The following EDAR variants were observed in gnomAD, a reference collection of about 807,000 sequenced individuals.
EDAR encodes ectodysplasin A receptor, also known as tumor necrosis factor receptor superfamily member EDAR.
Under a neutral mutation model 51.3 loss-of-function variants are expected in EDAR, and 38 were observed. The ratio of observed to expected loss-of-function variants is 0.74; its 90% CI spans 0.57 to 0.97. EDAR has a LOEUF of 0.97. EDAR is among the 50% of genes least tolerant of loss of function. The pLI, the probability that EDAR is intolerant of heterozygous loss-of-function variation, is 0.00. For missense variants in EDAR, 528 were observed against 595.0 expected (o/e 0.89, Z 1.17); for synonymous variants, 227 against 242.1 (o/e 0.94, Z 0.58).
At chr2:108,945,120 C>T (rs778389483) in intron 1 of EDAR, among the ~76,000 whole-genome samples, 4 of 152,198 alleles carry the variant, frequency 2.6e-5, no homozygotes, top group Middle Eastern at 3.4e-3. Flanking sequence ...GCTGCCTGTC[C>T]GTGAGGCAGC....
intron 1 of EDAR, among the ~76,000 whole-genome samples, chr2:108,987,418 G>A (rs939306734): frequency 1.3e-5 from 2 of 152,198 alleles, no homozygotes; most frequent in South Asian, 2.1e-4. Context: ...GCCGCCCAAT[G>A]GCAGGCACTG....
intron 1 of EDAR, among the ~76,000 whole-genome samples, chr2:108,933,962 AG>A (rs1697419476): frequency 6.6e-6 from 1 of 152,194 alleles, no homozygotes; most frequent in Non-Finnish European, 1.5e-5. Flanking sequence ...GGCTCTCAGC[AG>A]GGCTGGAGGC....
At chr2:108,932,266 C>T (rs1697379037) in intron 1 of EDAR, among the ~76,000 whole-genome samples, 1 of 152,080 alleles carries the variant, frequency 6.6e-6, no homozygotes, top group Non-Finnish European at 1.5e-5. Flanking sequence ...CGGTGGCTCA[C>T]ACCTGTAATC....
intron 1 of EDAR, among the ~76,000 whole-genome samples, chr2:108,975,878 G>A (rs1296880004): frequency 6.6e-6 from 1 of 152,188 alleles, no homozygotes; most frequent in African/African-American, 2.4e-5. Context: ...ATGGTGGAAA[G>A]GGCAGGGCAA....
At chr2:108,919,197 A>G (rs1038093347) in intron 5 of EDAR, among the ~76,000 whole-genome samples, 1 of 152,196 alleles carries the variant, frequency 6.6e-6, no homozygotes, top group African/African-American at 2.4e-5. Context: ...ACGGAAGAGC[A>G]TCCGGGCACA....
intron 1 of EDAR, among the ~76,000 whole-genome samples, chr2:108,975,007 C>A (rs1698297751): frequency 6.6e-6 from 1 of 152,222 alleles, no homozygotes; most frequent in African/African-American, 2.4e-5. Context: ...TGCAAGTCCC[C>A]TCAGCAAGCA....
chr2:108,945,696 C>T (rs1316936121), intron 1 of EDAR, among the ~76,000 whole-genome samples: 2 of 152,198 alleles, frequency 1.3e-5, no homozygotes, highest in Non-Finnish European at 2.9e-5. Context: ...CAAAGTATGG[C>T]ATATGCACAC....
intron 1 of EDAR, among the ~76,000 whole-genome samples, chr2:108,935,329 T>C (rs1353313964): frequency 2.8e-4 from 43 of 152,112 alleles, no homozygotes; most frequent in Non-Finnish European, 1.5e-5. Flanking sequence ...TTGCTCAAAG[T>C]GGGGCCCCTG....
At chr2:108,978,442 C>T (rs958715398) in intron 1 of EDAR, among the ~76,000 whole-genome samples, 1 of 152,094 alleles carries the variant, frequency 6.6e-6, no homozygotes, top group Non-Finnish European at 1.5e-5. Context: ...AATCTGTGGG[C>T]TTGTCATATT....
chr2:108,926,861 C>G (rs1045847456), intron 4 of EDAR, among the ~76,000 whole-genome samples: 1 of 152,196 alleles, frequency 6.6e-6, no homozygotes, highest in Non-Finnish European at 1.5e-5. Flanking sequence ...CAGGAATGAA[C>G]GCAGCCTTTC....
At chr2:108,911,971 G>A (rs1411986493) in intron 6 of EDAR, among the ~76,000 whole-genome samples, 1 of 152,186 alleles carries the variant, frequency 6.6e-6, no homozygotes, top group Non-Finnish European at 1.5e-5. Context: ...TCCGTGTTTT[G>A]AGCTACTCCC....
chr2:108,906,578 G>T (rs1203657693), intron 10 of EDAR, among the ~76,000 whole-genome samples: 12 of 152,204 alleles, frequency 7.9e-5, no homozygotes, highest in Admixed American at 3.3e-4. Flanking sequence ...TCTACCACGG[G>T]TGCGTCTTAG....
intron 1 of EDAR, among the ~76,000 whole-genome samples, chr2:108,984,427 C>A (rs937253042): frequency 1.3e-5 from 2 of 152,274 alleles, no homozygotes; most frequent in Admixed American, 1.3e-4. Context: ...GAGAGCCCAG[C>A]CCCCTTGCCA....
intron 1 of EDAR, among the ~76,000 whole-genome samples, chr2:108,935,875 C>T (rs999610254): frequency 2.0e-5 from 3 of 152,316 alleles, no homozygotes; most frequent in East Asian, 1.9e-4. Flanking sequence ...CTTTCCTAGC[C>T]GTCCTCCCCT....
rs138014973 is a variant in EDAR, at chr2:108,945,872, C to T, written c.-18-14840G>A. On this transcript the variant is annotated intron_variant, in intron 1 of 11. Coordinates refer to ENST00000258443, the MANE Select transcript of EDAR (RefSeq NM_022336.4). The stretch of plus-strand genomic sequence containing the variant: ...CCCAGAGTAGTCAGATTCACAGAGA[C>T]GGAAAGTAGAATGTGGGTTGCCAGG... 1.1e-3 allele frequency among the ~76,000 whole-genome samples: 165 copies of T among 152,294 alleles called. 5 individuals carry two copies. The East Asian group carries it at 0.021, about 20-fold the overall frequency.
chr2:108,917,600 T>G (rs1475280702), intron 5 of EDAR, among the ~76,000 whole-genome samples: 1 of 152,182 alleles, frequency 6.6e-6, no homozygotes, highest in Non-Finnish European at 1.5e-5. Flanking sequence ...TGTCCACAAT[T>G]CAGTGCCTCT....
chr2:108,925,414 G>A (rs537014656), intron 4 of EDAR, among the ~76,000 whole-genome samples: 1 of 152,316 alleles, frequency 6.6e-6, no homozygotes, highest in East Asian at 1.9e-4. Context: ...ACAACACCCG[G>A]CTTTATGATG....
chr2:108,962,701 A>AGC (rs1698074755), intron 1 of EDAR, among the ~76,000 whole-genome samples: 1 of 86,710 alleles, frequency 1.2e-5, no homozygotes. Flanking sequence ...AAAAAAAAAA[A>AGC]GAGAGAAAGG....
At chr2:108,949,556 A>G (rs1487948677) in intron 1 of EDAR, among the ~76,000 whole-genome samples, 2 of 152,188 alleles carry the variant, frequency 1.3e-5, no homozygotes, top group African/African-American at 4.8e-5. Context: ...AAACCAGTGC[A>G]TGACTTGCAA....
Sources: allele counts gnomAD v4.1 joint callset (sites outside exome capture counted in the v4.1 genomes callset), GRCh38; gene constraint gnomAD v4.1.1; transcripts MANE v1.5; gene names NCBI Gene and HGNC (gene_info 2026-07-23, HGNC 2026-07-21).